The following SLC6A4 variants were observed in gnomAD, a reference collection of about 807,000 sequenced individuals.
SLC6A4 encodes sodium-dependent serotonin transporter.
SLC6A4 carries 22 observed loss-of-function variants against 73.4 expected under a neutral mutation model. The observed-to-expected ratio is 0.30, with a 90% CI of 0.21 to 0.43. The LOEUF (loss-of-function observed/expected upper bound fraction) is 0.43. Ranked by LOEUF, SLC6A4 falls within the 20% of genes least tolerant of loss-of-function variation. The pLI is 1.00. For synonymous variants in SLC6A4, 270 were observed against 315.5 expected (o/e 0.86, Z 1.53); for missense variants, 593 against 808.5 (o/e 0.73, Z 3.23).
intron 8 of SLC6A4, among the ~76,000 whole-genome samples, chr17:30,214,672 G>A (rs1906499333): frequency 7.7e-6 from 1 of 129,414 alleles, no homozygotes; most frequent in South Asian, 2.4e-4. Context: ...TCACTCTGTC[G>A]CCCAGGCTGG....
chr17:30,202,347 A>G (rs982311525), intron 14 of SLC6A4, among the ~76,000 whole-genome samples: 1 of 151,718 alleles, frequency 6.6e-6, no homozygotes, highest in African/African-American at 2.4e-5. Flanking sequence ...CTGGTCTTGA[A>G]CTCCTGACCT....
chr17:30,203,470 C>T (rs529920681), intron 13 of SLC6A4, 131 bp from the exon 14 acceptor site: 15 of 743,762 alleles, frequency 2.0e-5, no homozygotes, highest in Middle Eastern at 7.3e-4. Context: ...GTGATATATC[C>T]TGGATTGAAC....
At chr17:30,209,372 C>T in intron 11 of SLC6A4, 130 bp from the exon 12 acceptor site, 1 of 610,294 alleles carries the variant, frequency 1.6e-6, no homozygotes, top group East Asian at 2.9e-5. Flanking sequence ...ACGTGAGTAC[C>T]CCAGAAACTG....
chr17:30,208,352 C>T (rs561677358), intron 12 of SLC6A4, among the ~76,000 whole-genome samples: 45 of 152,226 alleles, frequency 3.0e-4, no homozygotes, highest in African/African-American at 1.1e-3. Flanking sequence ...CACAATATTG[C>T]CCATTCATAT....
In SLC6A4 at chr17:30,222,050, C is replaced by G. The variant is rs766881781; in HGVS notation, c.-92G>C. On this transcript the variant is annotated 5_prime_UTR_variant, in exon 3 of 15. Coordinates refer to ENST00000650711, the MANE Select transcript of SLC6A4 (RefSeq NM_001045.6). ...GATTTGTGGATCACCTCCGAGCTCT[C>G]TATCGTCGGGATTGACACGTCGGGA... is the stretch of plus-strand genomic sequence containing the variant. The G allele has an allele frequency of 3.1e-6, 5 of 1,593,422 alleles. No homozygotes were observed. The South Asian group carries it at 5.6e-5, about 18-fold the overall frequency.
chr17:30,207,625 G>T, intron 13 of SLC6A4, 107 bp downstream of exon 13: 1 of 719,468 alleles, frequency 1.4e-6, no homozygotes, highest in Non-Finnish European at 2.4e-6. Flanking sequence ...CCAAAGTGTT[G>T]GGATTACAAG....
chr17:30,217,480 A>G (rs1906614031), intron 5 of SLC6A4, among the ~76,000 whole-genome samples, 176 bp from the exon 6 acceptor site: 1 of 152,226 alleles, frequency 6.6e-6, no homozygotes, highest in African/African-American at 2.4e-5. Flanking sequence ...AAGGACCACA[A>G]AGCACATTTG....
At chr17:30,206,942 G>A (rs377075874) in intron 13 of SLC6A4, among the ~76,000 whole-genome samples, 2 of 151,966 alleles carry the variant, frequency 1.3e-5, no homozygotes, top group Non-Finnish European at 2.9e-5. Context: ...CTGACCTCAG[G>A]TGATCCAACC....
rs896443097 is a variant in SLC6A4, at chr17:30,211,250, C to G, written c.1317+62G>C. The G allele has an allele frequency of 3.2e-5, 36 of 1,122,110 alleles. 1 individual carries two copies. In the Admixed American group the frequency reaches 6.3e-4, roughly 20 times the overall value. 69.5% of individuals were successfully genotyped at this position (1,122,110 alleles called of 1,614,324 possible). On this transcript the variant is annotated intron_variant, in intron 10 of 14. Transcript: ENST00000650711. The surrounding 1 kb of genome is among the most constrained non-coding windows in gnomAD (Gnocchi z 4.0). ...AGGGATGGGAGGGAATTGAGTCCAG[C>G]TGAGTCCTCCTCCTTTCCTCTTCAT... is the stretch of plus-strand genomic sequence containing the variant.
chr17:30,202,224 G>A (rs11657536), intron 14 of SLC6A4, among the ~76,000 whole-genome samples: 2,980 of 152,210 alleles, frequency 0.02, 41 homozygotes, highest in Non-Finnish European at 0.028. Context: ...GCCCACCTCC[G>A]TTCTCAGGCT....
Position 30,209,147 on chromosome 17 carries a change from G to C in SLC6A4, c.1545C>G (p.Phe515Leu), listed in dbSNP as rs759353073. 6.2e-7 allele frequency: 1 copy of C among 1,609,346 alleles called. No homozygotes were observed. The highest frequency in any genetic ancestry group is 1.1e-5 in the South Asian group (1 of 90,970). ...ALIEAVAVSW[F>L]YGITQFCRDV... ...TGGCTGAAGGAAGCGTCTTACCATA[G>C]AACCAAGACACAGCGACTGCTTCGA... The change falls in exon 12 of 15, where the codon TTC (phenylalanine) becomes TTG (leucine). Residue 515 changes from phenylalanine to leucine, a missense_variant. Coordinates refer to ENST00000650711, the MANE Select transcript of SLC6A4 (RefSeq NM_001045.6).
intron 8 of SLC6A4, 120 bp downstream of exon 8, chr17:30,215,491 G>A: frequency 1.3e-6 from 1 of 789,230 alleles, no homozygotes; most frequent in Non-Finnish European, 2.2e-6. Flanking sequence ...CTGAGGGGCA[G>A]TGGTATCAAG....
At chr17:30,206,821 C>G (rs1323399254) in intron 13 of SLC6A4, among the ~76,000 whole-genome samples, 2 of 146,160 alleles carry the variant, frequency 1.4e-5, no homozygotes, top group Non-Finnish European at 3.0e-5. Context: ...CAGGTTCAAG[C>G]AATTCTCCTG....
In SLC6A4 at chr17:30,217,219, T is replaced by C; in HGVS notation, c.784A>G (p.Ile262Val). 1 of 1,614,054 alleles carries C rather than the reference T, an allele frequency of 6.2e-7. No individual in the cohort carries two copies. Among genetic ancestry groups the C allele is most frequent in the Non-Finnish European group, 8.5e-7 (1 of 1,179,988 alleles). ...ATGCTGAAGTAGATAACAGTGAAGATCAGCATGATGCAGAGGGCCAGCTGC... is the reference window on the plus strand; with the variant it reads ...ATGCTGAAGTAGATAACAGTGAAGACCAGCATGATGCAGAGGGCCAGCTGC... Reference protein sequence around the residue: ...SWQLALCIMLIFTVIYFSIWK... With the variant: ...SWQLALCIMLVFTVIYFSIWK... The change falls in exon 6 of 15, where the codon ATC becomes GTC. Residue 262 changes from isoleucine (I) to valine (V), a missense_variant. By Grantham distance (29) the Ile-to-Val change is conservative. Transcript: ENST00000650711.
intron 3 of SLC6A4, 112 bp from the exon 4 acceptor site, chr17:30,219,043 C>T (rs1414848952): frequency 1.5e-6 from 2 of 1,334,184 alleles, no homozygotes; most frequent in Non-Finnish European, 2.1e-6. Context: ...TCAGGAGCCA[C>T]CCTGGGCTGA....
intron 1 of SLC6A4, among the ~76,000 whole-genome samples, chr17:30,227,610 C>T (rs748993128): frequency 4.6e-5 from 7 of 152,016 alleles, no homozygotes; most frequent in Admixed American, 3.3e-4. Flanking sequence ...CTCAGGCTCC[C>T]GAGTAGCTGA....
chr17:30,227,666 T>C (rs1350987504), intron 1 of SLC6A4, among the ~76,000 whole-genome samples: 2 of 152,174 alleles, frequency 1.3e-5, no homozygotes, highest in Non-Finnish European at 2.9e-5. Context: ...TTTGTATTTT[T>C]TTCAGAGATG....
At chr17:30,234,205 C>A (rs1907202036) in intron 1 of SLC6A4, among the ~76,000 whole-genome samples, 1 of 151,746 alleles carries the variant, frequency 6.6e-6, no homozygotes, top group Admixed American at 6.6e-5. Context: ...ATATATATTT[C>A]TTAAACAAGG....
rs1233313572 is a variant in SLC6A4 at position 30,203,232 on chromosome 17, G to T, written c.1758C>A (p.Phe586Leu). The T allele has an allele frequency of 3.1e-6, 5 of 1,613,742 alleles. No homozygotes were observed. The highest frequency in any genetic ancestry group is 1.3e-5 in the African/African-American group (1 of 74,924). Residue 586 changes from phenylalanine (F) to leucine (L), a missense_variant, in exon 14 of 15, where the codon TTC becomes TTA. Coordinates refer to ENST00000650711, the MANE Select transcript of SLC6A4 (RefSeq NM_001045.6). ...ILGYCIGTSS[F>L]ICIPTYIAYR... Reference sequence around the variant, plus strand: ...AAGCTATATATGTGGGGATGCAAATGAAAGATGAGGTTCCTATGCAGTAAC... The same window carrying T: ...AAGCTATATATGTGGGGATGCAAATTAAAGATGAGGTTCCTATGCAGTAAC...
Sources: allele counts gnomAD v4.1 joint callset (sites outside exome capture counted in the v4.1 genomes callset), GRCh38; gene constraint gnomAD v4.1.1; non-coding constraint Gnocchi (gnomAD v3.1); transcripts MANE v1.5; gene names NCBI Gene and HGNC (gene_info 2026-07-23, HGNC 2026-07-21).